The following NRG1 variants were observed in gnomAD, a reference collection of about 807,000 sequenced individuals.
NRG1 encodes neuregulin 1, also known as pro-neuregulin-1, membrane-bound isoform.
Under a neutral mutation model 63.8 loss-of-function variants are expected in NRG1, and 18 were observed. That is an observed-to-expected ratio of 0.28 (90% confidence interval 0.19 to 0.42). The LOEUF is 0.42. NRG1 is among the 10% of genes least tolerant of loss of function. NRG1 has a pLI of 1.00. For missense variants in NRG1, 762 were observed against 814.7 expected (o/e 0.94, Z 0.79); for synonymous variants, 302 against 301.3 (o/e 1.00, Z -0.02).
At chr8:32,372,326 A>G (rs1028371245) in intron 1 of NRG1, among the ~76,000 whole-genome samples, 4 of 151,700 alleles carry the variant, frequency 2.6e-5, no homozygotes, top group African/African-American at 9.7e-5. Context: ...GATTCTGACT[A>G]TAGCTTTAAA....
intron 1 of NRG1, chr8:32,098,807 A>T (rs1039901766): frequency 2.0e-5 from 3 of 152,192 alleles, no homozygotes; most frequent in African/African-American, 7.2e-5. Flanking sequence ...ATGAGGTAAA[A>T]ACACATAGCA....
At chr8:32,224,327 A>G (rs2132511630) in intron 1 of NRG1, among the ~76,000 whole-genome samples, 1 of 152,260 alleles carries the variant, frequency 6.6e-6, no homozygotes, top group Non-Finnish European at 1.5e-5. Context: ...TTTGCAGTAC[A>G]GCTCCACCCT....
intron 1 of NRG1, among the ~76,000 whole-genome samples, chr8:32,125,522 C>A (rs1002352016): frequency 6.6e-6 from 1 of 151,902 alleles, no homozygotes; most frequent in Non-Finnish European, 1.5e-5. Context: ...ATATCACTAT[C>A]CTACTCAAAA....
chr8:31,688,730 G>C (rs1299273549), intron 1 of NRG1, among the ~76,000 whole-genome samples: 2 of 152,180 alleles, frequency 1.3e-5, no homozygotes, highest in African/African-American at 4.8e-5. Context: ...AGACTGGGTT[G>C]GGGGTAAACA....
chr8:32,436,255 A>G (rs1258449259), intron 1 of NRG1, among the ~76,000 whole-genome samples: 1 of 152,124 alleles, frequency 6.6e-6, no homozygotes, highest in African/African-American at 2.4e-5. Context: ...CACTACCACG[A>G]GTATTGTGTG....
chr8:32,660,318 A>G (rs1400978873), intron 5 of NRG1, among the ~76,000 whole-genome samples: 1 of 152,214 alleles, frequency 6.6e-6, no homozygotes, highest in African/African-American at 2.4e-5. Context: ...TATATTTTAT[A>G]TGAAGTAGGT....
intron 1 of NRG1, among the ~76,000 whole-genome samples, chr8:32,103,124 T>C (rs575096593): frequency 2.0e-5 from 3 of 152,344 alleles, no homozygotes; most frequent in East Asian, 3.9e-4. Flanking sequence ...TGCTATTAAA[T>C]GCTAGGTCTT....
At chr8:31,875,564 G>A (rs529841933) in intron 1 of NRG1, among the ~76,000 whole-genome samples, 2 of 152,168 alleles carry the variant, frequency 1.3e-5, no homozygotes, top group Non-Finnish European at 2.9e-5. Context: ...CATGCATCGA[G>A]GTGGCGGGCG....
intron 1 of NRG1, among the ~76,000 whole-genome samples, chr8:31,675,339 C>G (rs1390054623): frequency 1.3e-5 from 2 of 152,118 alleles, no homozygotes; most frequent in African/African-American, 4.8e-5. Context: ...AAAACTCCAT[C>G]TCAAAAGAAA....
At chr8:32,418,131 A>T (rs1816193523) in intron 1 of NRG1, among the ~76,000 whole-genome samples, 1 of 152,160 alleles carries the variant, frequency 6.6e-6, no homozygotes, top group African/African-American at 2.4e-5. Context: ...AGCGATATTT[A>T]CTTATAATTC....
At chr8:32,723,917 A>G (rs935589353) in intron 5 of NRG1, among the ~76,000 whole-genome samples, 3 of 152,076 alleles carry the variant, frequency 2.0e-5, no homozygotes, top group African/African-American at 7.2e-5. Context: ...GTTCTCAGCT[A>G]TTTCAGAGAA....
At chr8:32,332,982 A>T (rs1470329860) in intron 1 of NRG1, among the ~76,000 whole-genome samples, 2 of 152,222 alleles carry the variant, frequency 1.3e-5, no homozygotes, top group Non-Finnish European at 2.9e-5. Context: ...ACCATCATTA[A>T]AATTTTGTTC....
chr8:32,629,474 A>G (rs1042097117), intron 5 of NRG1, among the ~76,000 whole-genome samples: 5 of 152,190 alleles, frequency 3.3e-5, no homozygotes, highest in Non-Finnish European at 7.3e-5. Context: ...TGAGTTAATG[A>G]ATTTTTTTGT....
At chr8:31,693,550 AT>A (rs1177810936) in intron 1 of NRG1, among the ~76,000 whole-genome samples, 1 of 152,124 alleles carries the variant, frequency 6.6e-6, no homozygotes, top group Non-Finnish European at 1.5e-5. Flanking sequence ...AATGAGGCAT[AT>A]GCTGTTTCTA....
In NRG1 at chr8:32,356,480, C is replaced by G. The variant is rs1034094798; in HGVS notation, c.38-239348C>G. On this transcript the variant is annotated intron_variant, in intron 1 of 10. Coordinates refer to the NRG1 transcript ENST00000519301. ...ACAGAGTTTCCTTGTTGGGACCCCCCCCCCACCCGCCGGGCCCCACCCCGT... is the reference window on the plus strand; with the variant it reads ...ACAGAGTTTCCTTGTTGGGACCCCCGCCCCACCCGCCGGGCCCCACCCCGT... Among the ~76,000 whole-genome samples the G allele has an allele frequency of 8.3e-4, 106 of 127,710 alleles. 2 individuals are homozygous for G. Among genetic ancestry groups the G allele is most frequent in the Non-Finnish European group, 1.1e-3 (62 of 59,036 alleles). 83.8% of individuals were successfully genotyped at this position (127,710 alleles called of 152,430 possible).
intron 1 of NRG1, among the ~76,000 whole-genome samples, chr8:31,899,756 A>G (rs1236638870): frequency 6.6e-6 from 1 of 152,248 alleles, no homozygotes; most frequent in African/African-American, 2.4e-5. Flanking sequence ...TTATTCCATT[A>G]TAAAAACACA....
chr8:32,413,481 A>G (rs1211422436), intron 1 of NRG1, among the ~76,000 whole-genome samples: 1 of 152,202 alleles, frequency 6.6e-6, no homozygotes, highest in Non-Finnish European at 1.5e-5. Flanking sequence ...CTGAAGCAGA[A>G]AAAGGAGATT....
At chr8:32,377,920 C>A (rs913386991) in intron 1 of NRG1, among the ~76,000 whole-genome samples, 2 of 152,116 alleles carry the variant, frequency 1.3e-5, no homozygotes, top group African/African-American at 4.8e-5. Flanking sequence ...ATACCTAGAA[C>A]AAACTCCCAG....
chr8:31,934,420 CTTT>C (rs1554580265), intron 1 of NRG1, among the ~76,000 whole-genome samples: 2 of 108,062 alleles, frequency 1.9e-5, no homozygotes, highest in Non-Finnish European at 3.6e-5. Flanking sequence ...TATTCGCTCT[CTTT>C]TTTTTTTTTT....
Sources: allele counts gnomAD v4.1 joint callset (sites outside exome capture counted in the v4.1 genomes callset), GRCh38; gene constraint gnomAD v4.1.1; transcripts MANE v1.5; gene names NCBI Gene and HGNC (gene_info 2026-07-23, HGNC 2026-07-21).